Variants in LAMC3 observed in about 807,000 individuals in gnomAD.
LAMC3 encodes the protein laminin subunit gamma-3.
LAMC3 carries 128 observed loss-of-function variants against 173.8 expected under a neutral mutation model. That is an observed-to-expected ratio of 0.74 (90% confidence interval 0.64 to 0.85). The LOEUF is 0.85. LAMC3 is among the 40% of genes least tolerant of loss of function. The probability of loss-of-function intolerance (pLI) is 0.00; values close to 1 mark genes in which losing one functional copy is unlikely to be tolerated. For missense variants in LAMC3, 2,022 were observed against 2,156.0 expected, an observed-to-expected ratio of 0.94 and a Z score of 1.23; for synonymous variants, 897 against 909.1, an observed-to-expected ratio of 0.99 and a Z score of 0.24.
At chr9:131,048,142 C>T (rs949841225) in intron 8 of LAMC3, among the ~76,000 whole-genome samples, 8 of 148,402 alleles carry the variant, frequency 5.4e-5, no homozygotes, top group South Asian at 2.2e-4. Context: ...CTGCAACCTC[C>T]GCCTCTCGGG....
chr9:131,032,662 CA>C (rs1833863399), intron 3 of LAMC3, among the ~76,000 whole-genome samples: 1 of 151,594 alleles, frequency 6.6e-6, no homozygotes, highest in African/African-American at 2.4e-5. Flanking sequence ...CACTCTCTCT[CA>C]CTCTCTCTCG....
At chr9:131,069,610 A>G (rs570266487) in intron 16 of LAMC3, 62 bp from the exon 17 acceptor site, 1 of 1,536,322 alleles carries the variant, frequency 6.5e-7, no homozygotes, top group Non-Finnish European at 8.8e-7. Flanking sequence ...GCCCCTCTAA[A>G]CCCAGCACGC....
In LAMC3 at chr9:131,069,775, C is replaced by T. The variant is rs755476763; in HGVS notation, c.2994C>T (p.His998=). 9.4e-6 allele frequency: 15 copies of T among 1,595,656 alleles called. No individual in the cohort carries two copies. Among genetic ancestry groups the T allele is most frequent in the East Asian group, 4.5e-5 (2 of 44,220 alleles). The part of the protein sequence containing the change: ...GFEGYKCDRC[H]DNFFLTADGT... ...AGGGCTACAAATGTGACCGCTGCCA[C>T]GACAACTTCTTCCTCACGGCAGACG... Residue 998 remains histidine, a synonymous_variant, in exon 17 of 28, where the codon CAC becomes CAT. Transcript: ENST00000361069.
chr9:131,072,236 A>C (rs1254952593), intron 18 of LAMC3, among the ~76,000 whole-genome samples: 4 of 152,208 alleles, frequency 2.6e-5, no homozygotes, highest in African/African-American at 7.2e-5. Flanking sequence ...TAGCAGCCAG[A>C]CAGAGGCGAG....
At chr9:131,091,438 C>T in intron 27 of LAMC3, 99 bp from the exon 28 acceptor site, 1 of 1,481,488 alleles carries the variant, frequency 6.7e-7, no homozygotes, top group Non-Finnish European at 9.2e-7. Context: ...CATTGGAATC[C>T]TGGGAGGCCT....
chr9:131,052,994 C>A, intron 11 of LAMC3, 29 bp downstream of exon 11: 1 of 1,512,038 alleles, frequency 6.6e-7, no homozygotes, highest in South Asian at 1.1e-5. Context: ...ATGCCCAAGA[C>A]CCGAGTGCTT....
intron 1 of LAMC3, among the ~76,000 whole-genome samples, chr9:131,022,926 C>T (rs1313818884): frequency 6.6e-6 from 1 of 151,974 alleles, no homozygotes; most frequent in African/African-American, 2.4e-5. Context: ...TTTCTGTTTT[C>T]CCCCAGTCCC....
Position 131,039,065 on chromosome 9 carries a change from C to G in LAMC3, c.1165+13C>G, listed in dbSNP as rs373334969. 29 of 1,612,948 alleles carry G rather than the reference C, an allele frequency of 1.8e-5. No homozygotes were observed. The East Asian group carries it at 6.2e-4, about 35-fold the overall frequency. The stretch of plus-strand genomic sequence containing the variant: ...TGCCAGTCGGCAGGTGAGTGGACTC[C>G]ACATCCCCAGCCTCCGACCCTCTCC... On this transcript the variant is annotated intron_variant, in intron 5 of 27. Transcript: ENST00000361069.
chr9:131,020,039 A>G (rs1206190847), intron 1 of LAMC3, among the ~76,000 whole-genome samples: 1 of 152,142 alleles, frequency 6.6e-6, no homozygotes, highest in Admixed American at 6.5e-5. Flanking sequence ...GAATGAGCTC[A>G]GTACGAAGAG....
intron 6 of LAMC3, among the ~76,000 whole-genome samples, 157 bp from the exon 7 acceptor site, chr9:131,041,480 C>T (rs1834056210): frequency 6.6e-6 from 1 of 152,070 alleles, no homozygotes; most frequent in African/African-American, 2.4e-5. Flanking sequence ...GGATGGGTCA[C>T]TTCCTTGGCA....
At chr9:131,016,427 G>GT (rs1353861899) in intron 1 of LAMC3, among the ~76,000 whole-genome samples, 20 of 152,210 alleles carry the variant, frequency 1.3e-4, no homozygotes, top group African/African-American at 4.8e-4. Flanking sequence ...TTGGGGAAAA[G>GT]TACATGTCAG....
rs531907646 is a variant in LAMC3, at chr9:131,043,250, A to C, written c.1382+1515A>C. 1.3e-4 allele frequency among the ~76,000 whole-genome samples: 20 copies of C among 152,342 alleles called. No individual in the cohort carries two copies. The South Asian group carries it at 3.1e-3, about 24-fold the overall frequency. On this transcript the variant is annotated intron_variant, in intron 7 of 27. Coordinates refer to ENST00000361069, the MANE Select transcript of LAMC3 (RefSeq NM_006059.4). ...ATAAACTTCCTCTTTCAAGTGTTCAAGAGGCCTCCAAGCTCCAGCAGTGCG... is the reference window on the plus strand; with the variant it reads ...ATAAACTTCCTCTTTCAAGTGTTCACGAGGCCTCCAAGCTCCAGCAGTGCG...
At position 131,052,620 on chromosome 9, in the gene LAMC3, G is replaced by A. The variant is rs1367995988; in HGVS notation, c.1760G>A (p.Arg587Lys). 3.1e-6 allele frequency: 5 copies of A among 1,613,858 alleles called. No individual in the cohort carries two copies. The highest frequency in any genetic ancestry group is 8.5e-7 in the Non-Finnish European group (1 of 1,179,978). The change falls in exon 10 of 28, where the codon AGG becomes AAG. Residue 587 changes from arginine to lysine, a missense_variant. Transcript: ENST00000361069. ...LEGTGLALSL[R>K]HSSLSGPQDA... The stretch of plus-strand genomic sequence containing the variant: ...GGGACAGGCTTGGCCCTGTCCCTGA[G>A]GCACTCTAGCCTGTCTGGCCCCCAG...
intron 1 of LAMC3, among the ~76,000 whole-genome samples, chr9:131,021,624 A>T (rs1297353091): frequency 1.3e-5 from 2 of 152,060 alleles, no homozygotes; most frequent in Non-Finnish European, 2.9e-5. Context: ...GGTGTCCTCT[A>T]ATTCAGTTCC....
At chr9:131,058,894 G>GAAAAAA (rs748695258) in intron 12 of LAMC3, among the ~76,000 whole-genome samples, 1 of 119,398 alleles carries the variant, frequency 8.4e-6, no homozygotes. Context: ...GACTCCAGAG[G>GAAAAAA]AAAAAAGAAA....
chr9:131,036,137 T>G (rs757726692), intron 3 of LAMC3, 29 bp from the exon 4 acceptor site: 115 of 1,612,202 alleles, frequency 7.1e-5, no homozygotes, highest in Non-Finnish European at 9.6e-5. Flanking sequence ...CACCTGCGGG[T>G]CCCCTTCCTC....
At chr9:131,055,514 T>C (rs1834385099) in intron 11 of LAMC3, among the ~76,000 whole-genome samples, 2 of 137,532 alleles carry the variant, frequency 1.5e-5, no homozygotes, top group South Asian at 2.5e-4. Flanking sequence ...AAGCTCCGCC[T>C]CCCGGGTTCA....
At chr9:131,074,940 G>A (rs563552732) in intron 20 of LAMC3, among the ~76,000 whole-genome samples, 5 of 151,898 alleles carry the variant, frequency 3.3e-5, no homozygotes, top group African/African-American at 1.2e-4. Flanking sequence ...ACAATTTATT[G>A]TCCAAACTGA....
chr9:131,032,154 C>T lies in LAMC3; in HGVS notation c.788C>T (p.Ser263Phe), dbSNP rs1215190530. 15 of 1,613,664 alleles carry T rather than the reference C, an allele frequency of 9.3e-6. No individual in the cohort carries two copies. Among genetic ancestry groups the T allele is most frequent in the Non-Finnish European group, 1.3e-5 (15 of 1,179,944 alleles). The change falls in exon 3 of 28, where the codon TCC becomes TTC. Residue 263 changes from serine (S) to phenylalanine (F), a missense_variant. By Grantham distance (155) the Ser-to-Phe change is radical (BLOSUM62 -2). Coordinates refer to ENST00000361069, the MANE Select transcript of LAMC3 (RefSeq NM_006059.4). ...CTCCAGTCCTACTATTATGCCGTGT[C>T]CGACTTCTCTGTGGGCGGCAGGTAG... is the stretch of plus-strand genomic sequence containing the variant. ...KVLQSYYYAV[S>F]DFSVGGRCKC...
Sources: gnomAD v4.1 joint callset for allele counts (sites outside exome capture counted in the v4.1 genomes callset) on GRCh38, gnomAD v4.1.1 for gene constraint, MANE v1.5 for transcripts, NCBI Gene and HGNC (gene_info 2026-07-23, HGNC 2026-07-21) for gene names.